Variants in GLG1 observed in about 807,000 individuals in gnomAD.
The protein encoded by GLG1 is golgi glycoprotein 1.
Under a neutral mutation model 160.5 loss-of-function variants are expected in GLG1, and 38 were observed. The observed-to-expected ratio is 0.24, with a 90% CI of 0.18 to 0.31. GLG1 has a LOEUF of 0.31. Among genes scored for constraint, GLG1 ranks in the 10% least tolerant of loss-of-function variants. The pLI is 1.00. For synonymous variants in GLG1, 644 were observed against 543.4 expected, an observed-to-expected ratio of 1.19 and a Z score of -2.57; for missense variants, 1,373 against 1,505.2, an observed-to-expected ratio of 0.91 and a Z score of 1.45.
chr16:74,588,258 T>C (rs1958096039), intron 1 of GLG1, among the ~76,000 whole-genome samples: 2 of 152,190 alleles, frequency 1.3e-5, no homozygotes, highest in Admixed American at 1.3e-4. Context: ...TGTTGATGGA[T>C]TTAAATAAAA....
intron 1 of GLG1, among the ~76,000 whole-genome samples, chr16:74,544,212 C>T (rs8053369): frequency 0.67 from 101,380 of 152,108 alleles, 33,988 homozygotes; most frequent in East Asian, 0.81. Context: ...ATCTATAGGT[C>T]TGGCTATGCA....
At chr16:74,534,938 T>C (rs1404729913) in intron 1 of GLG1, among the ~76,000 whole-genome samples, 2 of 152,174 alleles carry the variant, frequency 1.3e-5, no homozygotes, top group Admixed American at 1.3e-4. Context: ...CTCAGGCCAA[T>C]GGAGTTTTAG....
At chr16:74,459,560 T>A in intron 23 of GLG1, 122 bp downstream of exon 23, 2 of 652,628 alleles carry the variant, frequency 3.1e-6, no homozygotes. Flanking sequence ...AAGAAAAGAG[T>A]GCTGGGCAGA....
chr16:74,586,337 A>G lies in GLG1; in HGVS notation c.438+20320T>C, dbSNP rs557867849. ...AAGTTAGTTTTGTCCTAATTAGCAC[A>G]TGAACTGAAAGGAAATCTTTTATCT... On this transcript the variant is annotated intron_variant, in intron 1 of 25. Coordinates refer to ENST00000422840, the MANE Select transcript of GLG1 (RefSeq NM_001145667.2). Among the ~76,000 whole-genome samples, 5 of 152,284 alleles carry G rather than the reference A, an allele frequency of 3.3e-5. No individual in the cohort carries two copies. In the South Asian group the frequency reaches 6.2e-4, roughly 19 times the overall value.
chr16:74,507,186 G>T (rs1461281748), intron 3 of GLG1, among the ~76,000 whole-genome samples: 1 of 152,098 alleles, frequency 6.6e-6, no homozygotes. Context: ...CCTGTGGGAG[G>T]GAGAAGTGTC....
At chr16:74,508,393 G>A (rs769032249) in intron 3 of GLG1, among the ~76,000 whole-genome samples, 5 of 151,480 alleles carry the variant, frequency 3.3e-5, no homozygotes, top group Non-Finnish European at 5.9e-5. Context: ...GTTTACACTG[G>A]GCCAAGATAA....
At chr16:74,563,100 T>G (rs958267593) in intron 1 of GLG1, 7 of 152,204 alleles carry the variant, frequency 4.6e-5, no homozygotes, top group African/African-American at 1.7e-4. Context: ...ATCATGAGAC[T>G]CTTACCTCTC....
At chr16:74,461,887 T>C (rs953276050) in intron 22 of GLG1, 3 of 479,808 alleles carry the variant, frequency 6.3e-6, no homozygotes, top group Admixed American at 3.8e-5. Flanking sequence ...CAGAGAAATA[T>C]GGAACAACGC....
At chr16:74,587,329 G>A (rs1240929413) in intron 1 of GLG1, among the ~76,000 whole-genome samples, 1 of 152,124 alleles carries the variant, frequency 6.6e-6, no homozygotes, top group Non-Finnish European at 1.5e-5. Flanking sequence ...AAAGAGGAGA[G>A]AAATTAAACT....
chr16:74,472,724 C>T, intron 13 of GLG1: 1 of 467,936 alleles, frequency 2.1e-6, no homozygotes, highest in Non-Finnish European at 4.0e-6. Context: ...TGCAGATTTT[C>T]CCAAAATGCT....
intron 10 of GLG1, among the ~76,000 whole-genome samples, 160 bp from the exon 11 acceptor site, chr16:74,480,554 T>C (rs1220334200): frequency 6.6e-6 from 1 of 151,846 alleles, no homozygotes; most frequent in Non-Finnish European, 1.5e-5. Context: ...TGAATTTTGT[T>C]CTTTTGTTTT....
chr16:74,529,056 T>G (rs2017442561), intron 2 of GLG1, among the ~76,000 whole-genome samples: 1 of 149,596 alleles, frequency 6.7e-6, no homozygotes, highest in Admixed American at 6.8e-5. Context: ...AACCTCCACC[T>G]CCCAGATTCA....
chr16:74,455,386 G>A (rs745608098), intron 25 of GLG1, among the ~76,000 whole-genome samples: 5 of 152,172 alleles, frequency 3.3e-5, no homozygotes, highest in Non-Finnish European at 2.9e-5. Context: ...AAAACAAGCC[G>A]TGAATTACTC....
At chr16:74,454,728 C>T (rs2014465237) in intron 25 of GLG1, among the ~76,000 whole-genome samples, 1 of 145,976 alleles carries the variant, frequency 6.9e-6, no homozygotes, top group African/African-American at 2.5e-5. Flanking sequence ...GATGGGGTCT[C>T]CCTATGTTGC....
chr16:74,512,424 C>G (rs1427021807), intron 2 of GLG1, among the ~76,000 whole-genome samples: 1 of 151,834 alleles, frequency 6.6e-6, no homozygotes, highest in Non-Finnish European at 1.5e-5. Flanking sequence ...CCACCACATC[C>G]AGCTACATTT....
chr16:74,485,675 A>G, intron 9 of GLG1, 121 bp downstream of exon 9: 1 of 846,028 alleles, frequency 1.2e-6, no homozygotes, highest in Non-Finnish European at 1.9e-6. Flanking sequence ...TGTATGTTCA[A>G]CTTGTTCAAC....
chr16:74,489,582 G>T (rs1349214330), intron 8 of GLG1, among the ~76,000 whole-genome samples: 1 of 152,224 alleles, frequency 6.6e-6, no homozygotes, highest in South Asian at 2.1e-4. Flanking sequence ...TTTGGTCTGG[G>T]TCCCAGGACC....
At chr16:74,467,298 A>T (rs1296156618) in intron 18 of GLG1, among the ~76,000 whole-genome samples, 5 of 152,222 alleles carry the variant, frequency 3.3e-5, no homozygotes, top group African/African-American at 1.2e-4. Flanking sequence ...GTTTGTATGT[A>T]CTTCACTCCT....
intron 10 of GLG1, among the ~76,000 whole-genome samples, chr16:74,481,819 C>A (rs2015609650): frequency 1.3e-5 from 2 of 152,100 alleles, no homozygotes; most frequent in Admixed American, 1.3e-4. Context: ...GAGTCTCGCT[C>A]TGTCTCCCAG....
Sources: allele counts gnomAD v4.1 joint callset (sites outside exome capture counted in the v4.1 genomes callset), GRCh38; gene constraint gnomAD v4.1.1; transcripts MANE v1.5; gene names NCBI Gene and HGNC (gene_info 2026-07-23, HGNC 2026-07-21).